The following SUPT5H variants were observed in gnomAD, a reference collection of about 807,000 sequenced individuals.
The protein encoded by SUPT5H is transcription elongation factor SPT5.
SUPT5H carries 24 observed loss-of-function variants against 142.5 expected under a neutral mutation model. The observed-to-expected ratio is 0.17, with a 90% CI of 0.12 to 0.24. The LOEUF is 0.24. Among genes scored for constraint, SUPT5H ranks in the 10% least tolerant of loss-of-function variants. The probability of loss-of-function intolerance (pLI) is 1.00; values close to 1 mark genes in which losing one functional copy is unlikely to be tolerated. For synonymous variants in SUPT5H, 546 were observed against 553.0 expected, an observed-to-expected ratio of 0.99 and a Z score of 0.18; for missense variants, 893 against 1,471.8, an observed-to-expected ratio of 0.61 and a Z score of 6.43.
rs113169927 is a variant in SUPT5H at position 39,458,231 on chromosome 19, CCCACCACCACCACCACCACCACCA to C, written c.308-42_308-19del. 1.0e-4 allele frequency: 140 copies of C among 1,364,604 alleles called. 1 individual carries two copies. The highest frequency in any genetic ancestry group is 4.4e-4 in the Admixed American group (19 of 43,670). The allele number at this position is 1,364,604 out of a possible 1,614,324, so 84.5% of individuals were successfully genotyped here. A position where few individuals can be genotyped will look rare whatever the true frequency, so the allele number is the denominator to read the frequency against. ...TTGGCTCATACTTTGTCTGCCCTCG[CCCACCACCACCACCACCACCACCA>C]CCACCACCACCACCACCACCTCCTC... On this transcript the variant is annotated intron_variant, in intron 4 of 29. Transcript: ENST00000432763. This position sits in a 1 kb window ranked among gnomAD's most constrained non-coding sequence, Gnocchi z 4.2.
In SUPT5H at chr19:39,474,878, A is replaced by T; in HGVS notation, c.3024+160A>T. ...GGAGCTATGTGAACCCAAAGGAGGC[A>T]TCTTACCTGATTTAGCGGGGAATCA... On this transcript the variant is annotated intron_variant, in intron 28 of 29. Coordinates refer to ENST00000432763, the MANE Select transcript of SUPT5H (RefSeq NM_001111020.3). The surrounding 1 kb of genome is among the most constrained non-coding windows in gnomAD (Gnocchi z 6.5). 1.3e-6 allele frequency: 1 copy of T among 767,034 alleles called. No individual in the cohort carries two copies. Among genetic ancestry groups the T allele is most frequent in the South Asian group, 1.8e-5 (1 of 54,622 alleles). 47.5% of individuals were successfully genotyped at this position (767,034 alleles called of 1,614,324 possible). A position where few individuals can be genotyped will look rare whatever the true frequency, so the allele number is the denominator to read the frequency against.
intron 9 of SUPT5H, 116 bp from the exon 10 acceptor site, chr19:39,459,776 C>A: frequency 7.8e-7 from 1 of 1,289,412 alleles, no homozygotes; most frequent in Non-Finnish European, 1.1e-6. Flanking sequence ...GTCCATCCTT[C>A]TTTCTCTCTC....
rs2078944996 is a variant in SUPT5H at position 39,445,785 on chromosome 19, A to AG, written c.-87-15dup. On this transcript the variant is annotated intron_variant, in intron 1 of 29. Coordinates refer to ENST00000432763, the MANE Select transcript of SUPT5H (RefSeq NM_001111020.3). ...AAACGAGCCTGCCGGAAGCGCCCTA[A>AG]GGGGTTTTCTTCTCCCAGGGAACCA... 7.3e-7 allele frequency: 1 copy of AG among 1,377,744 alleles called. No individual in the cohort carries two copies. The highest frequency in any genetic ancestry group is 1.4e-5 in the African/African-American group (1 of 70,614). The allele number at this position is 1,377,744 out of a possible 1,614,324, so 85.3% of individuals were successfully genotyped here.
chr19:39,460,243 G>C (rs374285702), intron 10 of SUPT5H: 1 of 426,008 alleles, frequency 2.3e-6, no homozygotes, highest in African/African-American at 2.0e-5. Flanking sequence ...ATGAGAGTGG[G>C]TTTGCCTGTT....
chr19:39,458,744 T>G lies in SUPT5H; in HGVS notation c.320-74T>G, dbSNP rs2079123649. On this transcript the variant is annotated intron_variant, in intron 5 of 29. Coordinates refer to ENST00000432763, the MANE Select transcript of SUPT5H (RefSeq NM_001111020.3). This position sits in a 1 kb window ranked among gnomAD's most constrained non-coding sequence, Gnocchi z 4.2. ...AGGGCCAAACCCTGGCCCTCTTAGC[T>G]GCACGCTCCTATTTTCTCCAGGCCC... 7.0e-7 allele frequency: 1 copy of G among 1,420,888 alleles called. No individual in the cohort carries two copies. The highest frequency in any genetic ancestry group is 9.6e-7 in the Non-Finnish European group (1 of 1,041,014). The allele number at this position is 1,420,888 out of a possible 1,614,324, so 88.0% of individuals were successfully genotyped here.
intron 28 of SUPT5H, chr19:39,475,183 C>T (rs1400955776): frequency 7.0e-6 from 1 of 143,122 alleles, no homozygotes; most frequent in East Asian, 2.0e-4. Context: ...AGTTCAAGAC[C>T]AGCCTGGTCA....
At position 39,470,657 on chromosome 19, in the gene SUPT5H, TG is replaced by T; in HGVS notation, c.1677+136del. On this transcript the variant is annotated intron_variant, in intron 18 of 29. Coordinates refer to ENST00000432763, the MANE Select transcript of SUPT5H (RefSeq NM_001111020.3). This position sits in a 1 kb window ranked among gnomAD's most constrained non-coding sequence, Gnocchi z 5.8. ...TCTGGCTCTGTCACTTACATCTGAA[TG>T]GCTGATAGTGGGCACATGGCAAGTC... 1 of 1,005,552 alleles carries T rather than the reference TG, an allele frequency of 9.9e-7. No homozygotes were observed. Among genetic ancestry groups the T allele is most frequent in the Non-Finnish European group, 1.4e-6 (1 of 710,598 alleles). The allele number at this position is 1,005,552 out of a possible 1,614,324, so 62.3% of individuals were successfully genotyped here. A position where few individuals can be genotyped will look rare whatever the true frequency, so the allele number is the denominator to read the frequency against.
chr19:39,446,614 C>T (rs1041290505), intron 2 of SUPT5H, among the ~76,000 whole-genome samples: 1 of 152,078 alleles, frequency 6.6e-6, no homozygotes, highest in Admixed American at 6.6e-5. Context: ...CAGGGATTAA[C>T]GAGGATTTGA....
chr19:39,471,751 C>T (rs774268354), intron 20 of SUPT5H, 21 bp downstream of exon 20: 1 of 1,608,208 alleles, frequency 6.2e-7, no homozygotes, highest in East Asian at 2.2e-5. Context: ...CATGGCAGGA[C>T]CCTGTGCGTT....
chr19:39,452,268 T>A (rs2079031216), intron 2 of SUPT5H, among the ~76,000 whole-genome samples: 1 of 151,720 alleles, frequency 6.6e-6, no homozygotes, highest in South Asian at 2.1e-4. Context: ...GGTCTTGAGT[T>A]CTGGAAAAAA....
chr19:39,445,879 C>T lies in SUPT5H; in HGVS notation c.-12C>T. ...GCGCCAAGGCTGCTGTCTTTCCCAG[C>T]AGCAGCGGAAGATGTCGGACAGCGA... is the stretch of plus-strand genomic sequence containing the variant. On this transcript the variant is annotated 5_prime_UTR_variant, in exon 2 of 30. Transcript: ENST00000432763. 1.2e-6 allele frequency: 2 copies of T among 1,613,262 alleles called. No homozygotes were observed. The highest frequency in any genetic ancestry group is 1.7e-6 in the Non-Finnish European group (2 of 1,179,892).
Position 39,470,507 on chromosome 19 carries a change from A to G in SUPT5H, c.1661A>G (p.Glu554Gly). 6.4e-7 allele frequency: 1 copy of G among 1,572,282 alleles called. No individual in the cohort carries two copies. The highest frequency in any genetic ancestry group is 8.6e-7 in the Non-Finnish European group (1 of 1,158,232). The change falls in exon 18 of 30, where the codon GAA becomes GGA. Residue 554 changes from glutamate to glycine, a missense_variant. Transcript: ENST00000432763. The surrounding 1 kb of genome is among the most constrained non-coding windows in gnomAD (Gnocchi z 5.8). ...ACTGTGGGTGTCATCGTGCGACTAG[A>G]ACGGGAGACCTTCCAGGTGTGTGTG... The part of the protein sequence containing the change: ...PQTVGVIVRL[E>G]RETFQVLNMY...
At chr19:39,471,840 G>C in intron 20 of SUPT5H, 110 bp downstream of exon 20, 1 of 1,435,476 alleles carries the variant, frequency 7.0e-7, no homozygotes. Context: ...TAGGAGAGCA[G>C]TGTCATTGTC....
chr19:39,457,856 A>G, intron 4 of SUPT5H, 116 bp downstream of exon 4: 2 of 1,514,352 alleles, frequency 1.3e-6, no homozygotes, highest in Non-Finnish European at 8.9e-7. Context: ...CACCGTCCTC[A>G]CCTTGCTTCT....
At chr19:39,464,460 A>G (rs2079208495) in intron 10 of SUPT5H, among the ~76,000 whole-genome samples, 2 of 152,152 alleles carry the variant, frequency 1.3e-5, no homozygotes, top group African/African-American at 2.4e-5. Context: ...CCCGGGCTCA[A>G]GCAGTCCTCC....
Position 39,454,258 on chromosome 19 carries a change from G to A in SUPT5H, c.241+737G>A, listed in dbSNP as rs373297797. 4.3e-4 allele frequency among the ~76,000 whole-genome samples: 66 copies of A among 152,000 alleles called. 1 individual carries two copies. Among genetic ancestry groups the A allele is most frequent in the East Asian group, 3.9e-3 (20 of 5,182 alleles). ...AAATAGGAGCTGTAGTTTTTTCATC[G>A]AACACAGACCACCCCAGATGAAAAA... On this transcript the variant is annotated intron_variant, in intron 3 of 29. Coordinates refer to ENST00000432763, the MANE Select transcript of SUPT5H (RefSeq NM_001111020.3).
chr19:39,469,065 C>T lies in SUPT5H; in HGVS notation c.1144-14C>T, dbSNP rs185693459. On this transcript the variant is annotated splice_polypyrimidine_tract_variant and intron_variant, in intron 14 of 29. Coordinates refer to ENST00000432763, the MANE Select transcript of SUPT5H (RefSeq NM_001111020.3). This position sits in a 1 kb window ranked among gnomAD's most constrained non-coding sequence, Gnocchi z 5.1. ...GTCCATTTCCTTCTCTTCCCCTCAC[C>T]GCTGGGGGCTTAGATCACGGAGGGT... 107 of 1,613,958 alleles carry T rather than the reference C, an allele frequency of 6.6e-5. No homozygotes were observed. Among genetic ancestry groups the T allele is most frequent in the Non-Finnish European group, 8.0e-5 (94 of 1,179,954 alleles).
intron 2 of SUPT5H, among the ~76,000 whole-genome samples, chr19:39,451,462 G>C (rs1005482451): frequency 7.2e-5 from 11 of 151,982 alleles, no homozygotes; most frequent in Admixed American, 2.6e-4. Context: ...CGCCCAGCCT[G>C]AGCATGACCT....
chr19:39,458,034 C>T lies in SUPT5H; in HGVS notation c.308-260C>T, dbSNP rs569363680. ...GGGCGAGCTCTGTCCCAAGATACCC[C>T]CCACTTCCTGGGCCAGTGCCCCCCT... On this transcript the variant is annotated intron_variant, in intron 4 of 29. Coordinates refer to ENST00000432763, the MANE Select transcript of SUPT5H (RefSeq NM_001111020.3). This position sits in a 1 kb window ranked among gnomAD's most constrained non-coding sequence, Gnocchi z 4.2. 9 of 729,196 alleles carry T rather than the reference C, an allele frequency of 1.2e-5. No homozygotes were observed. Among genetic ancestry groups the T allele is most frequent in the African/African-American group, 1.1e-4 (6 of 56,656 alleles). 45.2% of individuals were successfully genotyped at this position (729,196 alleles called of 1,614,324 possible). A position where few individuals can be genotyped will look rare whatever the true frequency, so the allele number is the denominator to read the frequency against.
Sources: gnomAD v4.1 joint callset for allele counts (sites outside exome capture counted in the v4.1 genomes callset) on GRCh38, gnomAD v4.1.1 for gene constraint, Gnocchi (gnomAD v3.1) non-coding constraint, MANE v1.5 for transcripts, NCBI Gene and HGNC (gene_info 2026-07-23, HGNC 2026-07-21) for gene names.